The following ACP3 variants were observed in gnomAD, a reference collection of about 807,000 sequenced individuals.
ACP3 encodes the protein acid phosphatase 3.
In ACP3, 38 loss-of-function variants were observed where a neutral mutation model predicts 45.6. That is an observed-to-expected ratio of 0.83 (90% CI 0.64 to 1.09). ACP3 has a LOEUF of 1.09. Ranked by LOEUF, ACP3 falls within the 50% of genes least tolerant of loss-of-function variation. ACP3 has a pLI of 0.00. For synonymous variants in ACP3, 162 were observed against 164.7 expected, an observed-to-expected ratio of 0.98 and a Z score of 0.13; for missense variants, 466 against 463.2, an observed-to-expected ratio of 1.01 and a Z score of -0.05.
downstream of ACP3, among the ~76,000 whole-genome samples, chr3:132,361,554 G>T (rs1938040749): frequency 6.6e-6 from 1 of 152,110 alleles, no homozygotes; most frequent in African/African-American, 2.4e-5. Flanking sequence ...CAAGCCTATT[G>T]TCACCATTTC....
At chr3:132,318,155 G>A (rs1409572426) in intron 1 of ACP3, among the ~76,000 whole-genome samples, 2 of 152,180 alleles carry the variant, frequency 1.3e-5, no homozygotes, top group Non-Finnish European at 2.9e-5. Context: ...AAGGTGGGGG[G>A]TGGCTGATGC....
intron 9 of ACP3, among the ~76,000 whole-genome samples, chr3:132,355,029 C>T (rs185250747): frequency 6.6e-6 from 1 of 152,314 alleles, no homozygotes; most frequent in African/African-American, 2.4e-5. Context: ...ACTTATCTAA[C>T]AGTACAATGC....
Position 132,332,192 on chromosome 3 carries a change from G to T in ACP3, c.304G>T (p.Val102Phe). Residue 102 changes from valine to phenylalanine, a missense_variant and splice_region_variant, in exon 4 of 10, where the codon GTT (valine) becomes TTT (phenylalanine). Physicochemically the swap from Val to Phe is conservative, Grantham distance 50. Transcript: ENST00000336375. ...FLNESYKHEQVYIRSTDVDRT... is the reference protein window; with the variant it reads ...FLNESYKHEQFYIRSTDVDRT... ...TTCTGCTTTGATTTTCCTACTCTAG[G>T]TTTATATTCGAAGCACAGACGTTGA... The T allele has an allele frequency of 6.2e-7, 1 of 1,613,986 alleles. No individual in the cohort carries two copies. The highest frequency in any genetic ancestry group is 8.5e-7 in the Non-Finnish European group (1 of 1,179,964).
In ACP3 at chr3:132,317,445, GCT is replaced by G; in HGVS notation, c.-8_-7del. 1 of 1,609,286 alleles carries G rather than the reference GCT, an allele frequency of 6.2e-7. No homozygotes were observed. Among genetic ancestry groups the G allele is most frequent in the South Asian group, 1.1e-5 (1 of 90,062 alleles). The stretch of plus-strand genomic sequence containing the variant: ...TTCCTCCTAACTCCTGCCAGAAACA[GCT>G]CTCCTCAACATGAGAGCTGCACCCC... On this transcript the variant is annotated 5_prime_UTR_variant, in exon 1 of 10. Coordinates refer to ENST00000336375, the MANE Select transcript of ACP3 (RefSeq NM_001099.5).
chr3:132,341,046 T>C (rs1937547672), intron 5 of ACP3, among the ~76,000 whole-genome samples: 1 of 152,194 alleles, frequency 6.6e-6, no homozygotes, highest in Non-Finnish European at 1.5e-5. Flanking sequence ...TTTTAGGGTT[T>C]TCTTCATATA....
At chr3:132,350,796 C>G (rs1240577174) in intron 8 of ACP3, among the ~76,000 whole-genome samples, 1 of 152,122 alleles carries the variant, frequency 6.6e-6, no homozygotes, top group Non-Finnish European at 1.5e-5. Context: ...AGTGTTTGCT[C>G]AGGGAAGGCA....
At chr3:132,321,585 A>T (rs1245772323) in intron 1 of ACP3, among the ~76,000 whole-genome samples, 1 of 152,180 alleles carries the variant, frequency 6.6e-6, no homozygotes, top group Non-Finnish European at 1.5e-5. Flanking sequence ...GATTTATGCC[A>T]ATGCATTTCA....
chr3:132,356,510 A>G, intron 9 of ACP3, among the ~76,000 whole-genome samples, 176 bp from the exon 10 acceptor site: 1 of 151,992 alleles, frequency 6.6e-6, no homozygotes, highest in Non-Finnish European at 1.5e-5. Context: ...CCACCCTGCA[A>G]ATCTCTCCCG....
At chr3:132,367,922 C>T (rs1938157816) in exon 11 of ACP3, 1 of 881,024 alleles carries the variant, frequency 1.1e-6, no homozygotes, top group Non-Finnish European at 1.9e-6. Flanking sequence ...CATTGCCATC[C>T]TCACACCCTG....
In ACP3 at chr3:132,358,370, T is replaced by G; in HGVS notation, c.*1492T>G. On this transcript the variant is annotated 3_prime_UTR_variant, in exon 10 of 10. Transcript: ENST00000336375. ...ACGTTAGGAGGACAAAAGGAATGTG[T>G]AAGTCTTTAATGCCGATATCTTCAG... is the stretch of plus-strand genomic sequence containing the variant. The G allele has an allele frequency of 8.2e-7, 1 of 1,215,032 alleles. No individual in the cohort carries two copies. 75.3% of individuals were successfully genotyped at this position (1,215,032 alleles called of 1,614,324 possible). A position where few individuals can be genotyped will look rare whatever the true frequency, so the allele number is the denominator to read the frequency against.
intron 1 of ACP3, among the ~76,000 whole-genome samples, chr3:132,321,961 T>A (rs773439073): frequency 6.6e-6 from 1 of 152,226 alleles, no homozygotes; most frequent in African/African-American, 2.4e-5. Flanking sequence ...CTGATGGCTT[T>A]ACATATATTA....
At chr3:132,333,118 G>T (rs1398838686) in intron 4 of ACP3, among the ~76,000 whole-genome samples, 1 of 152,270 alleles carries the variant, frequency 6.6e-6, no homozygotes, top group Non-Finnish European at 1.5e-5. Flanking sequence ...TCTGAGGGTG[G>T]ACCCAGGCAT....
At chr3:132,318,044 A>G (rs1458779518) in intron 1 of ACP3, among the ~76,000 whole-genome samples, 1 of 152,248 alleles carries the variant, frequency 6.6e-6, no homozygotes, top group African/African-American at 2.4e-5. Context: ...ACAACCTTGA[A>G]GCATAAAAGT....
rs769481711 is a variant in ACP3, at chr3:132,356,844, AC to A, written c.1128del (p.Asn376LysfsTer32). ...QDWSTECMTT[N>X]SHQGTEDSTD ...TGGTCCACGGAGTGTATGACCACAAACAGCCATCAAGGTACTGAAGACAGTA... is the reference window on the plus strand; with the variant it reads ...TGGTCCACGGAGTGTATGACCACAAAAGCCATCAAGGTACTGAAGACAGTA... On this transcript the variant is annotated frameshift_variant, in exon 10 of 10. Transcript: ENST00000336375. LOFTEE classifies it high-confidence loss of function. 21 of 1,614,122 alleles carry A rather than the reference AC, an allele frequency of 1.3e-5. No homozygotes were observed. In the African/African-American group the frequency reaches 2.5e-4, roughly 19 times the overall value.
chr3:132,320,253 G>T (rs752239203), intron 1 of ACP3, among the ~76,000 whole-genome samples: 1 of 152,048 alleles, frequency 6.6e-6, no homozygotes, highest in African/African-American at 2.4e-5. Context: ...CCAATGTCCT[G>T]TAGAAAACAC....
At chr3:132,356,177 A>G (rs772114194) in intron 9 of ACP3, among the ~76,000 whole-genome samples, 1 of 152,236 alleles carries the variant, frequency 6.6e-6, no homozygotes, top group Non-Finnish European at 1.5e-5. Flanking sequence ...CTTGCTGTAT[A>G]TTCAAGCACA....
chr3:132,351,455 G>C (rs982995448), intron 8 of ACP3, among the ~76,000 whole-genome samples: 5 of 152,170 alleles, frequency 3.3e-5, no homozygotes, highest in Admixed American at 3.3e-4. Context: ...ATGACAAAAG[G>C]TTTCTCAGCT....
intron 7 of ACP3, among the ~76,000 whole-genome samples, chr3:132,347,347 C>A (rs11928839): frequency 0.48 from 72,280 of 152,126 alleles, 17,980 homozygotes; most frequent in Middle Eastern, 0.65. Flanking sequence ...GAAACAGCTG[C>A]ACACATTCCT....
chr3:132,356,829 A>C lies in ACP3; in HGVS notation c.1112A>C (p.Glu371Ala). The change falls in exon 10 of 10, where the codon GAG becomes GCG. Residue 371 changes from glutamate to alanine, a missense_variant. Transcript: ENST00000336375. ...GPVIPQDWST[E>A]CMTTNSHQGT... ...GTGATCCCTCAAGACTGGTCCACGGAGTGTATGACCACAAACAGCCATCAA... is the reference window on the plus strand; with the variant it reads ...GTGATCCCTCAAGACTGGTCCACGGCGTGTATGACCACAAACAGCCATCAA... The C allele has an allele frequency of 6.2e-7, 1 of 1,614,156 alleles. No homozygotes were observed. Among genetic ancestry groups the C allele is most frequent in the South Asian group, 1.1e-5 (1 of 91,078 alleles).
Sources: gnomAD v4.1 joint callset for allele counts (sites outside exome capture counted in the v4.1 genomes callset) on GRCh38, gnomAD v4.1.1 for gene constraint, MANE v1.5 for transcripts, NCBI Gene and HGNC (gene_info 2026-07-23, HGNC 2026-07-21) for gene names.